Variants in ARHGEF10 observed in about 807,000 individuals in gnomAD.
The protein encoded by ARHGEF10 is Rho guanine nucleotide exchange factor (GEF) 10.
Under a neutral mutation model 147.4 loss-of-function variants are expected in ARHGEF10, and 140 were observed. The ratio of observed to expected loss-of-function variants is 0.95; its 90% CI spans 0.83 to 1.09. The LOEUF is 1.09. Among genes scored for constraint, ARHGEF10 ranks in the 50% least tolerant of loss-of-function variants. The pLI, the probability that ARHGEF10 is intolerant of heterozygous loss-of-function variation, is 0.00. For missense variants in ARHGEF10, 2,222 were observed against 1,752.7 expected (o/e 1.27, Z -4.78); for synonymous variants, 902 against 695.8 (o/e 1.30, Z -4.67).
At chr8:1,836,167 C>T (rs1431531682) in intron 1 of ARHGEF10, among the ~76,000 whole-genome samples, 2 of 142,464 alleles carry the variant, frequency 1.4e-5, no homozygotes, top group Non-Finnish European at 3.0e-5. Flanking sequence ...GGCGACAGAG[C>T]AAGACTCTGC....
intron 27 of ARHGEF10, among the ~76,000 whole-genome samples, chr8:1,952,453 C>T (rs1179300512): frequency 6.6e-6 from 1 of 152,222 alleles, no homozygotes; most frequent in Non-Finnish European, 1.5e-5. Context: ...CAGACGACAG[C>T]CCAGGAGACC....
chr8:1,941,575 T>G (rs373839633), intron 26 of ARHGEF10, among the ~76,000 whole-genome samples: 2 of 151,706 alleles, frequency 1.3e-5, no homozygotes, highest in East Asian at 1.9e-4. Context: ...TCTAAATTTC[T>G]GCTGCCTTTT....
intron 18 of ARHGEF10, among the ~76,000 whole-genome samples, chr8:1,910,531 C>T (rs1268937053): frequency 2.6e-5 from 4 of 152,134 alleles, no homozygotes; most frequent in Non-Finnish European, 4.4e-5. Flanking sequence ...TGTATCAAAC[C>T]CTCTCCACAA....
At position 1,930,831 on chromosome 8, in the gene ARHGEF10, G is replaced by A. The variant is rs536191652; in HGVS notation, c.3079+1388G>A. Among the ~76,000 whole-genome samples the A allele has an allele frequency of 3.3e-5, 5 of 150,368 alleles. No homozygotes were observed. In the East Asian group the frequency reaches 7.9e-4, roughly 24 times the overall value. On this transcript the variant is annotated intron_variant, in intron 25 of 28. Transcript: ENST00000349830. ...AGGCCTGGACTTCTTTCTCACTCCG[G>A]TAGGTGGAGTAAGCACAGGAGCCGC... is the stretch of plus-strand genomic sequence containing the variant.
At chr8:1,848,261 C>T (rs549185617) in intron 2 of ARHGEF10, among the ~76,000 whole-genome samples, 13 of 152,306 alleles carry the variant, frequency 8.5e-5, no homozygotes, top group East Asian at 3.9e-4. Flanking sequence ...TGGCTTTGTA[C>T]GCGCCACACG....
intron 11 of ARHGEF10, among the ~76,000 whole-genome samples, chr8:1,890,368 G>A (rs961282119): frequency 6.6e-6 from 1 of 150,382 alleles, no homozygotes; most frequent in African/African-American, 2.5e-5. Flanking sequence ...ACACTGAGTT[G>A]GGTGAGGAGT....
chr8:1,894,337 A>T, intron 12 of ARHGEF10, 56 bp from the exon 13 acceptor site: 2 of 1,597,642 alleles, frequency 1.3e-6, no homozygotes, highest in Non-Finnish European at 8.6e-7. Context: ...ACAACAAAAC[A>T]AGACCCAGGC....
At chr8:1,872,634 C>T (rs1457062236) in intron 7 of ARHGEF10, among the ~76,000 whole-genome samples, 1 of 152,206 alleles carries the variant, frequency 6.6e-6, no homozygotes, top group Non-Finnish European at 1.5e-5. Flanking sequence ...CTTATCTCAG[C>T]ATGTGTTTAA....
chr8:1,887,074 T>A lies in ARHGEF10; in HGVS notation c.1182+1367T>A, dbSNP rs117148755. On this transcript the variant is annotated intron_variant, in intron 11 of 28. Transcript: ENST00000349830. Reference sequence around the variant, plus strand: ...CAGTCCTATGAGGCGCTCAATAGGATGACACGCTGGCCAGTCCTCTACTAT... The same window carrying A: ...CAGTCCTATGAGGCGCTCAATAGGAAGACACGCTGGCCAGTCCTCTACTAT... Among the ~76,000 whole-genome samples, 1,365 of 152,308 alleles carry A rather than the reference T, an allele frequency of 9.0e-3. 7 individuals carry two copies. The highest frequency in any genetic ancestry group is 0.015 in the Non-Finnish European group (1,036 of 68,036).
intron 7 of ARHGEF10, 23 bp from the exon 8 acceptor site, chr8:1,876,548 C>T (rs781662183): frequency 1.9e-6 from 3 of 1,612,540 alleles, no homozygotes; most frequent in East Asian, 2.2e-5. Context: ...GTTTTAATTT[C>T]ATTTTGGAAT....
intron 18 of ARHGEF10, among the ~76,000 whole-genome samples, chr8:1,911,691 G>T (rs1050202843): frequency 6.6e-6 from 1 of 152,108 alleles, no homozygotes; most frequent in Admixed American, 6.6e-5. Context: ...TCTTGAGTGG[G>T]TCTATGTGGT....
intron 13 of ARHGEF10, 83 bp downstream of exon 13, chr8:1,894,655 C>T: frequency 6.8e-7 from 1 of 1,473,972 alleles, no homozygotes; most frequent in Non-Finnish European, 9.4e-7. Context: ...ATGTTTTGCC[C>T]CTGATCTCCT....
intron 17 of ARHGEF10, among the ~76,000 whole-genome samples, chr8:1,907,344 C>T (rs547533208): frequency 1.3e-5 from 2 of 152,316 alleles, no homozygotes; most frequent in South Asian, 4.1e-4. Flanking sequence ...CACCCAGCTC[C>T]TCACCTGCAA....
chr8:1,928,746 TC>T lies in ARHGEF10; in HGVS notation c.2921+97del, dbSNP rs143562321. ...CCTGGAAAGAGTCCTTGACTTTGAC[TC>T]AGGAGTAGCCCGTGCAGGAATTAGG... On this transcript the variant is annotated intron_variant, in intron 24 of 28. Coordinates refer to ENST00000349830, the MANE Select transcript of ARHGEF10 (RefSeq NM_014629.4). 3.6e-3 allele frequency: 5,006 copies of T among 1,389,212 alleles called. 126 individuals are homozygous for T. The African/African-American group carries it at 0.06, about 17-fold the overall frequency. 86.1% of individuals were successfully genotyped at this position (1,389,212 alleles called of 1,614,324 possible).
At chr8:1,866,635 T>A (rs1806644926) in intron 6 of ARHGEF10, 33 bp downstream of exon 6, 3 of 1,592,496 alleles carry the variant, frequency 1.9e-6, no homozygotes, top group Non-Finnish European at 2.6e-6. Flanking sequence ...GCCAGAATCC[T>A]CACCACGCTC....
chr8:1,915,056 C>A (rs1811653313), intron 18 of ARHGEF10, among the ~76,000 whole-genome samples: 2 of 152,156 alleles, frequency 1.3e-5, no homozygotes, highest in African/African-American at 4.8e-5. Context: ...CCTCCTGCCA[C>A]CACTCTCTGT....
chr8:1,876,493 G>C, intron 7 of ARHGEF10, 78 bp from the exon 8 acceptor site: 1 of 1,451,400 alleles, frequency 6.9e-7, no homozygotes, highest in Non-Finnish European at 9.7e-7. Flanking sequence ...AGATGATTTG[G>C]TAAAACCACA....
chr8:1,954,103 T>C (rs1047241435), intron 28 of ARHGEF10, among the ~76,000 whole-genome samples: 13 of 152,300 alleles, frequency 8.5e-5, no homozygotes, highest in African/African-American at 3.1e-4. Context: ...ATTTTTTTTT[T>C]TTCTTTTTGA....
chr8:1,862,360 C>T (rs769502683), intron 4 of ARHGEF10, among the ~76,000 whole-genome samples: 5 of 152,250 alleles, frequency 3.3e-5, no homozygotes, highest in Non-Finnish European at 7.3e-5. Flanking sequence ...GACCAGATTC[C>T]GTTATTTTTC....
Sources: allele counts gnomAD v4.1 joint callset (sites outside exome capture counted in the v4.1 genomes callset), GRCh38; gene constraint gnomAD v4.1.1; transcripts MANE v1.5; gene names NCBI Gene and HGNC (gene_info 2026-07-23, HGNC 2026-07-21).